PARVA: variants seen among roughly 807,000 people sequenced by gnomAD.
PARVA encodes parvin alpha, also known as alpha-parvin.
PARVA carries 25 observed loss-of-function variants against 52.6 expected under a neutral mutation model. The ratio of observed to expected loss-of-function variants is 0.48; its 90% CI spans 0.35 to 0.66. PARVA has a LOEUF of 0.66. PARVA is among the 30% of genes least tolerant of loss of function. The pLI, the probability that PARVA is intolerant of heterozygous loss-of-function variation, is 0.01. For missense variants in PARVA, 373 were observed against 450.9 expected (o/e 0.83, Z 1.56); for synonymous variants, 185 against 179.1 (o/e 1.03, Z -0.26).
At chr11:12,421,771 C>T (rs1420005915) in intron 1 of PARVA, among the ~76,000 whole-genome samples, 3 of 152,208 alleles carry the variant, frequency 2.0e-5, no homozygotes, top group African/African-American at 7.2e-5. Context: ...ACACTCCATT[C>T]CTTAATCCAC....
chr11:12,434,124 A>G (rs1940354770), intron 1 of PARVA, among the ~76,000 whole-genome samples: 1 of 152,200 alleles, frequency 6.6e-6, no homozygotes, highest in Admixed American at 6.5e-5. Flanking sequence ...ACTTGTGTGC[A>G]GGCTACCTTC....
chr11:12,515,599 C>CA (rs1941558122), intron 10 of PARVA, among the ~76,000 whole-genome samples: 1 of 152,200 alleles, frequency 6.6e-6, no homozygotes, highest in Admixed American at 6.5e-5. Context: ...GCCTGGCACT[C>CA]AGAGCTGTGA....
chr11:12,496,609 C>T lies in PARVA; in HGVS notation c.541+11C>T, dbSNP rs376445242. 4 of 1,609,468 alleles carry T rather than the reference C, an allele frequency of 2.5e-6. No homozygotes were observed. In the African/African-American group the frequency reaches 5.3e-5, roughly 22 times the overall value. On this transcript the variant is annotated intron_variant, in intron 5 of 12. Coordinates refer to ENST00000334956, the MANE Select transcript of PARVA (RefSeq NM_018222.5). The stretch of plus-strand genomic sequence containing the variant: ...AGTGGAATGTGGATTGTGAGTTGAA[C>T]AAAGGAAAGGGGCACCATTAAACAA...
intron 1 of PARVA, among the ~76,000 whole-genome samples, chr11:12,386,781 A>G (rs368267979): frequency 6.6e-6 from 1 of 152,182 alleles, no homozygotes; most frequent in Non-Finnish European, 1.5e-5. Flanking sequence ...CTGGTATTCT[A>G]TGATTTCTGA....
At chr11:12,405,454 C>T (rs1939889454) in intron 1 of PARVA, among the ~76,000 whole-genome samples, 1 of 152,218 alleles carries the variant, frequency 6.6e-6, no homozygotes, top group East Asian at 1.9e-4. Flanking sequence ...AATCCCAGCA[C>T]TTTGGGAGGC....
intron 1 of PARVA, among the ~76,000 whole-genome samples, chr11:12,451,684 A>T (rs1234257925): frequency 6.6e-6 from 1 of 152,142 alleles, no homozygotes; most frequent in Non-Finnish European, 1.5e-5. Context: ...TCTTTTACAT[A>T]CTCTAATGCA....
chr11:12,454,667 G>A (rs1940672137), intron 1 of PARVA, among the ~76,000 whole-genome samples: 1 of 151,826 alleles, frequency 6.6e-6, no homozygotes, highest in South Asian at 2.1e-4. Context: ...AATGCACCCA[G>A]CAGCCAACAA....
At chr11:12,418,676 C>T (rs370394982) in intron 1 of PARVA, among the ~76,000 whole-genome samples, 5 of 152,106 alleles carry the variant, frequency 3.3e-5, no homozygotes, top group African/African-American at 1.2e-4. Context: ...ATTACCACCC[C>T]GCCACCGGCT....
intron 1 of PARVA, among the ~76,000 whole-genome samples, chr11:12,407,110 T>G (rs952985696): frequency 2.0e-5 from 3 of 152,240 alleles, no homozygotes; most frequent in African/African-American, 7.2e-5. Flanking sequence ...AAGCTTTTGA[T>G]GTACATTGCT....
At chr11:12,497,022 C>G (rs74889859) in intron 5 of PARVA, among the ~76,000 whole-genome samples, 2 of 152,224 alleles carry the variant, frequency 1.3e-5, no homozygotes, top group Admixed American at 6.5e-5. Context: ...CCAAAGCCCG[C>G]GCCCTTCCAA....
At chr11:12,486,714 T>C (rs140951232) in intron 4 of PARVA, among the ~76,000 whole-genome samples, 4,026 of 151,640 alleles carry the variant, frequency 0.027, 78 homozygotes, top group Non-Finnish European at 0.037. Context: ...GGCATGGTGG[T>C]GGGCGCCTGT....
At chr11:12,377,425 G>T, upstream of PARVA, 1 of 1,374,066 alleles carries the variant, frequency 7.3e-7, no homozygotes, top group Non-Finnish European at 9.3e-7. Flanking sequence ...GGGGCGCAAG[G>T]CGCGGCCCCG....
Position 12,530,226 on chromosome 11 carries a change from C to T in PARVA, c.*2301C>T, listed in dbSNP as rs1375524221. ...TGTTTTGGGATTGAGTTCTTTGTCT[C>T]AGCCCAGAATCCCAGGTCCTGGGCC... On this transcript the variant is annotated 3_prime_UTR_variant, in exon 13 of 13. Transcript: ENST00000334956. 6.6e-6 allele frequency: 1 copy of T among 152,128 alleles called. No individual in the cohort carries two copies. The highest frequency in any genetic ancestry group is 2.4e-5 in the African/African-American group (1 of 41,422). The allele number at this position is 152,128 out of a possible 1,614,324, so 9.4% of individuals were successfully genotyped here. A position where few individuals can be genotyped will look rare whatever the true frequency, so the allele number is the denominator to read the frequency against.
intron 1 of PARVA, among the ~76,000 whole-genome samples, chr11:12,405,508 G>A (rs1205736273): frequency 6.6e-6 from 1 of 152,106 alleles, no homozygotes; most frequent in Non-Finnish European, 1.5e-5. Context: ...AGGCTGCAGT[G>A]AGCCGTGAGT....
intron 4 of PARVA, chr11:12,479,852 C>G (rs919899496): frequency 2.0e-4 from 30 of 152,198 alleles, no homozygotes; most frequent in African/African-American, 6.0e-4. Flanking sequence ...CCCAAGGGCA[C>G]GAGCCATGTC....
At chr11:12,388,180 C>T (rs1280128888) in intron 1 of PARVA, among the ~76,000 whole-genome samples, 3 of 152,222 alleles carry the variant, frequency 2.0e-5, no homozygotes, top group African/African-American at 7.2e-5. Context: ...GGCTGGAGGG[C>T]ACACCTTTGG....
At chr11:12,411,821 T>G (rs1939995982) in intron 1 of PARVA, among the ~76,000 whole-genome samples, 1 of 152,094 alleles carries the variant, frequency 6.6e-6, no homozygotes, top group South Asian at 2.1e-4. Context: ...GAAGATCAAG[T>G]CTACACTCCC....
At chr11:12,414,687 C>T (rs994193030) in intron 1 of PARVA, among the ~76,000 whole-genome samples, 1 of 148,572 alleles carries the variant, frequency 6.7e-6, no homozygotes, top group African/African-American at 2.5e-5. Flanking sequence ...AAAATATATT[C>T]AAACGAGTCC....
At chr11:12,486,395 T>C (rs1040296198) in intron 4 of PARVA, among the ~76,000 whole-genome samples, 4 of 151,764 alleles carry the variant, frequency 2.6e-5, no homozygotes, top group Non-Finnish European at 5.9e-5. Flanking sequence ...TAGCCAGGCA[T>C]GGTGGCACAT....
Sources: allele counts gnomAD v4.1 joint callset (sites outside exome capture counted in the v4.1 genomes callset), GRCh38; gene constraint gnomAD v4.1.1; transcripts MANE v1.5; gene names NCBI Gene and HGNC (gene_info 2026-07-23, HGNC 2026-07-21).